MAP7D1: variants seen among roughly 807,000 people sequenced by gnomAD.
The protein encoded by MAP7D1 is MAP7 domain containing 1.
In MAP7D1, 30 loss-of-function variants were observed where a neutral mutation model predicts 97.5. The observed-to-expected ratio is 0.31, with a 90% CI of 0.23 to 0.42. The LOEUF is 0.42. MAP7D1 is among the 10% of genes least tolerant of loss of function. The pLI, the probability that MAP7D1 is intolerant of heterozygous loss-of-function variation, is 1.00. For missense variants in MAP7D1, 1,184 were observed against 1,179.5 expected, an observed-to-expected ratio of 1.00 and a Z score of -0.06; for synonymous variants, 536 against 477.1, an observed-to-expected ratio of 1.12 and a Z score of -1.61.
chr1:36,180,217 CCTGA>C (rs1557785821), intron 16 of MAP7D1, 27 bp from the exon 17 acceptor site: 1 of 1,614,108 alleles, frequency 6.2e-7, no homozygotes, highest in Middle Eastern at 1.7e-4. Context: ...TGCTGTTTGC[CCTGA>C]CTGTTTCCCT....
At chr1:36,174,834 C>A in intron 5 of MAP7D1, 64 bp from the exon 6 acceptor site, 1 of 896,880 alleles carries the variant, frequency 1.1e-6, no homozygotes, top group Non-Finnish European at 1.8e-6. Flanking sequence ...GCATGGAAGG[C>A]CTCGGTGCCC....
Position 36,178,914 on chromosome 1 carries a change from T to G in MAP7D1, c.2026-7T>G. 6.4e-7 allele frequency: 1 copy of G among 1,552,770 alleles called. No individual in the cohort carries two copies. Among genetic ancestry groups the G allele is most frequent in the Non-Finnish European group, 8.7e-7 (1 of 1,148,008 alleles). ...AAGTGCCCCACGCTCATGGGGGTCT[T>G]TGGCAGAAAGAGGAGGCCGAAGCTC... is the stretch of plus-strand genomic sequence containing the variant. On this transcript the variant is annotated splice_polypyrimidine_tract_variant and splice_region_variant and intron_variant, in intron 11 of 16. Coordinates refer to ENST00000474796, the MANE Select transcript of MAP7D1 (RefSeq NM_001388490.1).
intron 1 of MAP7D1, among the ~76,000 whole-genome samples, chr1:36,163,827 T>TC (rs1644442819): frequency 7.3e-6 from 1 of 136,818 alleles, no homozygotes; most frequent in South Asian, 2.4e-4. Context: ...CTTTTTTTTT[T>TC]TTTTTTTTTT....
chr1:36,172,768 G>A, intron 4 of MAP7D1, 141 bp downstream of exon 4: 2 of 1,005,974 alleles, frequency 2.0e-6, no homozygotes, highest in Non-Finnish European at 2.7e-6. Context: ...CTACAGTTGT[G>A]TCCCTGTGTT....
At chr1:36,177,361 G>A in intron 8 of MAP7D1, 1 of 335,768 alleles carries the variant, frequency 3.0e-6, no homozygotes, top group Non-Finnish European at 5.8e-6. Flanking sequence ...ACCACTCAGT[G>A]AATACCTACT....
In MAP7D1 at chr1:36,179,901, C is replaced by T. The variant is rs140549558; in HGVS notation, c.2346C>T (p.Ser782=). The change falls in exon 16 of 17, where the codon TCC becomes TCT. Residue 782 remains serine, a synonymous_variant. Coordinates refer to ENST00000474796, the MANE Select transcript of MAP7D1 (RefSeq NM_001388490.1). Reference sequence around the variant, plus strand: ...TCCCAAGCAAGGAGTTGCCAGCGTCCCTGGTGAATGGCCTGCAGCCTCTCC... The same window carrying T: ...TCCCAAGCAAGGAGTTGCCAGCGTCTCTGGTGAATGGCCTGCAGCCTCTCC... ...WSLPSKELPA[S]LVNGLQPLPA... 1,024 of 1,613,822 alleles carry T rather than the reference C, an allele frequency of 6.3e-4. 2 individuals are homozygous for T. Among genetic ancestry groups the T allele is most frequent in the African/African-American group, 4.1e-3 (308 of 75,040 alleles).
rs578182706 is a variant in MAP7D1 at position 36,159,845 on chromosome 1, C to T, written c.46+3382C>T. On this transcript the variant is annotated intron_variant, in intron 1 of 16. Transcript: ENST00000474796. The surrounding 1 kb of genome is among the most constrained non-coding windows in gnomAD (Gnocchi z 5.4). ...ACTGGCGCAGTGGGCTGTGGCCATA[C>T]ATCCAGCAGCCAGCTGGCTGGCACC... Among the ~76,000 whole-genome samples, 22 of 152,352 alleles carry T rather than the reference C, an allele frequency of 1.4e-4. No individual in the cohort carries two copies. The highest frequency in any genetic ancestry group is 4.6e-4 in the African/African-American group (19 of 41,576).
rs180729250 is a variant in MAP7D1 at position 36,168,783 on chromosome 1, G to A, written c.47-2188G>A. Among the ~76,000 whole-genome samples, 6 of 152,290 alleles carry A rather than the reference G, an allele frequency of 3.9e-5. No individual in the cohort carries two copies. The East Asian group carries it at 1.2e-3, about 29-fold the overall frequency. ...ATATTGCCTTCAACAAGGCAGGAGG[G>A]TATAATGGGTAAGGACAGGCTCTGA... On this transcript the variant is annotated intron_variant, in intron 1 of 16. Coordinates refer to ENST00000474796, the MANE Select transcript of MAP7D1 (RefSeq NM_001388490.1).
chr1:36,179,119 C>A, intron 12 of MAP7D1, 94 bp downstream of exon 12: 1 of 1,488,144 alleles, frequency 6.7e-7, no homozygotes, highest in Non-Finnish European at 9.1e-7. Flanking sequence ...GACGGGAAAG[C>A]GCTGGGGCAA....
Position 36,171,572 on chromosome 1 carries a change from A to G in MAP7D1, c.451A>G (p.Lys151Glu). Residue 151 changes from lysine to glutamate, a missense_variant, in exon 3 of 17, where the codon AAG (lysine) becomes GAG (glutamate). Physicochemically the swap from Lys to Glu is moderately conservative, Grantham distance 56. Coordinates refer to ENST00000474796, the MANE Select transcript of MAP7D1 (RefSeq NM_001388490.1). ...AAAGGAGCGGCGAGAAGAGCGGGCC[A>G]AGTACCTGGGTGAGTGAGCAGGAAG... Reference protein sequence around the residue: ...LAKERREERAKYLAAKKAVWL... With the variant: ...LAKERREERAEYLAAKKAVWL... 6.2e-7 allele frequency: 1 copy of G among 1,614,160 alleles called. No homozygotes were observed. Among genetic ancestry groups the G allele is most frequent in the Middle Eastern group, 1.7e-4 (1 of 6,060 alleles).
chr1:36,175,407 G>T (rs1246469777), intron 6 of MAP7D1, among the ~76,000 whole-genome samples: 1 of 152,182 alleles, frequency 6.6e-6, no homozygotes, highest in Non-Finnish European at 1.5e-5. Flanking sequence ...GTGCTGTGGG[G>T]TGGAGGGGTC....
intron 5 of MAP7D1, 38 bp from the exon 6 acceptor site, chr1:36,174,860 C>G (rs535486): frequency 1.5e-6 from 2 of 1,357,574 alleles, no homozygotes; most frequent in South Asian, 1.2e-5. Context: ...TGGCTCCTGC[C>G]GGGCCCGGCC....
In MAP7D1 at chr1:36,178,043, G is replaced by A. The variant is rs1364735227; in HGVS notation, c.1550G>A (p.Ser517Asn). ...CGGAGGAAGGAGGAGGCAAAGGAGA[G>A]CCCCAGCGCCGCAGGGCCCGAGGAC... Reference protein sequence around the residue: ...RVRRKEEAKESPSAAGPEDKS... With the variant: ...RVRRKEEAKENPSAAGPEDKS... The change falls in exon 9 of 17, where the codon AGC (serine) becomes AAC (asparagine). Residue 517 changes from serine (S) to asparagine (N), a missense_variant. Physicochemically the swap from Ser to Asn is conservative, Grantham distance 46. Coordinates refer to ENST00000474796, the MANE Select transcript of MAP7D1 (RefSeq NM_001388490.1). 1.9e-6 allele frequency: 3 copies of A among 1,613,210 alleles called. No homozygotes were observed. Among genetic ancestry groups the A allele is most frequent in the East Asian group, 2.2e-5 (1 of 44,858 alleles).
At chr1:36,165,840 C>T (rs540881778) in intron 1 of MAP7D1, among the ~76,000 whole-genome samples, 3 of 150,862 alleles carry the variant, frequency 2.0e-5, no homozygotes, top group Admixed American at 6.6e-5. Context: ...AAGTGATTCA[C>T]CAGCCTCAGC....
intron 2 of MAP7D1, 28 bp from the exon 3 acceptor site, chr1:36,171,485 C>A (rs760162399): frequency 8.1e-6 from 13 of 1,612,910 alleles, no homozygotes; most frequent in African/African-American, 4.0e-5. Context: ...AGCCTTTTGA[C>A]CTGTCTGTTC....
chr1:36,164,240 G>A (rs564758631), intron 1 of MAP7D1, among the ~76,000 whole-genome samples: 5 of 152,190 alleles, frequency 3.3e-5, no homozygotes, highest in South Asian at 4.2e-4. Flanking sequence ...GACTATCTCC[G>A]TATACTTGGC....
chr1:36,160,880 C>T (rs370758575), intron 1 of MAP7D1, among the ~76,000 whole-genome samples: 7 of 152,226 alleles, frequency 4.6e-5, no homozygotes, highest in South Asian at 2.1e-4. Context: ...AGGAAGGCCC[C>T]GGACCCAGGT....
intron 1 of MAP7D1, among the ~76,000 whole-genome samples, chr1:36,160,915 G>A (rs1644400214): frequency 6.6e-6 from 1 of 152,250 alleles, no homozygotes; most frequent in South Asian, 2.1e-4. Context: ...AGCTGGGGGG[G>A]CATCTCCAGG....
In MAP7D1 at chr1:36,179,263, G is replaced by A. The variant is rs1644680638; in HGVS notation, c.2132G>A (p.Arg711His). 6.2e-7 allele frequency: 1 copy of A among 1,614,018 alleles called. No homozygotes were observed. Among genetic ancestry groups the A allele is most frequent in the Non-Finnish European group, 8.5e-7 (1 of 1,179,958 alleles). Residue 711 changes from arginine (R) to histidine (H), a missense_variant and splice_region_variant, in exon 13 of 17, where the codon CGT becomes CAT. By Grantham distance (29) the Arg-to-His change is conservative (BLOSUM62 0). Coordinates refer to ENST00000474796, the MANE Select transcript of MAP7D1 (RefSeq NM_001388490.1). The stretch of plus-strand genomic sequence containing the variant: ...AACTGATCTGCGGCCTCCAAACAGC[G>A]TCTGGAGGAGATCATGAAGAGGACT... Reference protein sequence around the residue: ...QEQERQERRKRLEEIMKRTRK... With the variant: ...QEQERQERRKHLEEIMKRTRK...
Sources: gnomAD v4.1 joint callset for allele counts (sites outside exome capture counted in the v4.1 genomes callset) on GRCh38, gnomAD v4.1.1 for gene constraint, Gnocchi (gnomAD v3.1) non-coding constraint, MANE v1.5 for transcripts, NCBI Gene and HGNC (gene_info 2026-07-23, HGNC 2026-07-21) for gene names.